Variants in PLG observed in about 807,000 individuals in gnomAD.
PLG encodes plasminogen, also known as plasmin.
A neutral mutation model predicts 104.4 loss-of-function variants in PLG; 41 were observed. The observed-to-expected ratio is 0.39, with a 90% CI of 0.31 to 0.51. The LOEUF (loss-of-function observed/expected upper bound fraction) is 0.51, where lower values mean the gene tolerates loss of function less well. PLG is among the 20% of genes least tolerant of loss of function. The probability of loss-of-function intolerance (pLI) is 0.76; values close to 1 mark genes in which losing one functional copy is unlikely to be tolerated. For missense variants in PLG, 891 were observed against 1,003.6 expected (o/e 0.89, Z 1.52); for synonymous variants, 337 against 357.1 (o/e 0.94, Z 0.63).
chr6:160,712,949 G>C, intron 4 of PLG, 37 bp from the exon 5 acceptor site: 2 of 1,574,760 alleles, frequency 1.3e-6, no homozygotes, highest in Non-Finnish European at 1.7e-6. Context: ...CTGATTTTTA[G>C]AATATAGTCT....
intron 17 of PLG, among the ~76,000 whole-genome samples, chr6:160,751,149 G>A (rs112225091): frequency 6.6e-6 from 1 of 152,272 alleles, no homozygotes; most frequent in Non-Finnish European, 1.5e-5. Flanking sequence ...AAATAATTTG[G>A]CAACGTTATT....
chr6:160,749,321 TCAC>T (rs756110798), intron 17 of PLG, among the ~76,000 whole-genome samples: 62 of 151,768 alleles, frequency 4.1e-4, no homozygotes, highest in Non-Finnish European at 7.1e-4. Flanking sequence ...ACCAACATCA[TCAC>T]CACCACCACC....
chr6:160,753,376 T>C lies in PLG; in HGVS notation c.*315T>C, dbSNP rs1418359477. The C allele has an allele frequency of 2.4e-6, 1 of 408,636 alleles. No homozygotes were observed. Among genetic ancestry groups the C allele is most frequent in the Non-Finnish European group, 4.6e-6 (1 of 216,924 alleles). 25.3% of individuals were successfully genotyped at this position (408,636 alleles called of 1,614,324 possible). ...AAATGGGCAGATGGGGGGATTTAGC[T>C]GCTTTTGATAAGGAACAGCTGCACA... On this transcript the variant is annotated 3_prime_UTR_variant, in exon 19 of 19. Coordinates refer to ENST00000308192, the MANE Select transcript of PLG (RefSeq NM_000301.5). This position sits in a 1 kb window ranked among gnomAD's most constrained non-coding sequence, Gnocchi z 5.4.
chr6:160,731,704 C>T lies in PLG; in HGVS notation c.1439-41C>T, dbSNP rs1434853514. 6.3e-7 allele frequency: 1 copy of T among 1,596,538 alleles called. No homozygotes were observed. The highest frequency in any genetic ancestry group is 1.3e-5 in the African/African-American group (1 of 74,688). ...GTATTGATTCCATATCATCCTGGGT[C>T]TCTGTGGCTCTTCATAATCATCCAT... On this transcript the variant is annotated intron_variant, in intron 11 of 18. Transcript: ENST00000308192. The surrounding 1 kb of genome is among the most constrained non-coding windows in gnomAD (Gnocchi z 5.1).
Position 160,711,168 on chromosome 6 carries a change from T to C in PLG, c.384T>C (p.Ser128=), listed in dbSNP as rs1777634152. 2 of 1,612,936 alleles carry C rather than the reference T, an allele frequency of 1.2e-6. No homozygotes were observed. Among genetic ancestry groups the C allele is most frequent in the Non-Finnish European group, 1.7e-6 (2 of 1,179,090 alleles). Residue 128 remains serine, a synonymous_variant, in exon 4 of 19, where the codon AGT becomes AGC. Transcript: ENST00000308192. ...ATGGCATCACCTGTCAAAAATGGAG[T>C]TCCACTTCTCCCCACAGACCTAGGT... ...TKNGITCQKW[S]STSPHRPRFS...
Position 160,734,081 on chromosome 6 carries a change from T to G in PLG, c.1674T>G (p.Pro558=). ...PRKLYDYCDV[P]QCAAPSFDCG... is the part of the protein sequence containing the mutation. ...AACTTTACGACTACTGTGATGTCCC[T>G]CAGTGTGGTAGGTTGCCTTCTTTTT... Residue 558 remains proline (P), a synonymous_variant, in exon 13 of 19, where the codon CCT becomes CCG. Transcript: ENST00000308192. This position sits in a 1 kb window ranked among gnomAD's most constrained non-coding sequence, Gnocchi z 4.4. The G allele has an allele frequency of 6.3e-7, 1 of 1,586,812 alleles. No homozygotes were observed. Among genetic ancestry groups the G allele is most frequent in the Non-Finnish European group, 8.7e-7 (1 of 1,155,488 alleles).
At chr6:160,721,720 A>G (rs2115166424) in intron 9 of PLG, among the ~76,000 whole-genome samples, 1 of 152,324 alleles carries the variant, frequency 6.6e-6, no homozygotes, top group Non-Finnish European at 1.5e-5. Flanking sequence ...CTCTTAGGCC[A>G]GTTGAGCACA....
intron 7 of PLG, among the ~76,000 whole-genome samples, 163 bp downstream of exon 7, chr6:160,716,926 G>C (rs908195861): frequency 6.6e-6 from 1 of 152,196 alleles, no homozygotes; most frequent in Non-Finnish European, 1.5e-5. Flanking sequence ...AACAGTTATG[G>C]TTATTGGTTA....
rs1425623308 is a variant in PLG, at chr6:160,735,235, T to A, written c.1681+1147T>A. 6.6e-6 allele frequency among the ~76,000 whole-genome samples: 1 copy of A among 152,166 alleles called. No homozygotes were observed. Among genetic ancestry groups the A allele is most frequent in the Non-Finnish European group, 1.5e-5 (1 of 68,026 alleles). ...TTCCAGTTCTCCACTTCTGGCCCCA[T>A]CTGGTACACACCACTGCCTCTCACT... On this transcript the variant is annotated intron_variant, in intron 13 of 18. Coordinates refer to ENST00000308192, the MANE Select transcript of PLG (RefSeq NM_000301.5). This position sits in a 1 kb window ranked among gnomAD's most constrained non-coding sequence, Gnocchi z 5.4.
intron 1 of PLG, among the ~76,000 whole-genome samples, chr6:160,704,241 A>G (rs1288042870): frequency 6.6e-6 from 1 of 152,208 alleles, no homozygotes; most frequent in Admixed American, 6.5e-5. Context: ...AAAATGGGGG[A>G]AAATTATTTC....
chr6:160,730,749 G>T, intron 10 of PLG: 1 of 313,284 alleles, frequency 3.2e-6, no homozygotes, highest in Non-Finnish European at 6.1e-6. Context: ...AAATGTATTT[G>T]GCAGAAGGTG....
chr6:160,748,366 A>AAGAAAGAAAGAGAGAGAGAG (rs1404070341), intron 17 of PLG, among the ~76,000 whole-genome samples: 5 of 38,134 alleles, frequency 1.3e-4, no homozygotes, highest in Admixed American at 3.9e-4. Flanking sequence ...GAAAGAAAGA[A>AAGAAAGAAAGAGAGAGAGAG]AGAAAGAAAG....
At chr6:160,720,171 A>G (rs1777804497) in intron 9 of PLG, among the ~76,000 whole-genome samples, 1 of 152,086 alleles carries the variant, frequency 6.6e-6, no homozygotes, top group African/African-American at 2.4e-5. Flanking sequence ...CACTTTAATG[A>G]TGATGTTCCA....
Position 160,741,606 on chromosome 6 carries a change from CTG to C in PLG, c.2125+193_2125+194del, listed in dbSNP as rs779863326. On this transcript the variant is annotated intron_variant, in intron 17 of 18. Coordinates refer to ENST00000308192, the MANE Select transcript of PLG (RefSeq NM_000301.5). The surrounding 1 kb of genome is among the most constrained non-coding windows in gnomAD (Gnocchi z 4.7). ...AGGCACATGATCAAAGGGAGGAAAA[CTG>C]TGTCTTTGAGTCTCTCTCTCTCTCT... 6.6e-6 allele frequency among the ~76,000 whole-genome samples: 1 copy of C among 152,142 alleles called. No homozygotes were observed.
intron 6 of PLG, among the ~76,000 whole-genome samples, chr6:160,716,309 G>C (rs925837052): frequency 6.6e-6 from 1 of 152,188 alleles, no homozygotes; most frequent in Non-Finnish European, 1.5e-5. Flanking sequence ...GAAAAACAGT[G>C]CTTGGCAGCC....
chr6:160,706,233 C>T, intron 1 of PLG, 174 bp from the exon 2 acceptor site: 1 of 797,504 alleles, frequency 1.3e-6, no homozygotes, highest in Non-Finnish European at 2.1e-6. Flanking sequence ...GTCCAAATGC[C>T]CGACTGTGTG....
At position 160,733,923 on chromosome 6, in the gene PLG, C is replaced by T. The variant is rs1317026; in HGVS notation, c.1588-72C>T. 0.058 allele frequency: 44,558 copies of T among 769,686 alleles called. 4,769 individuals are homozygous for T. Among genetic ancestry groups the T allele is most frequent in the African/African-American group, 0.37 (21,407 of 57,958 alleles). 47.7% of individuals were successfully genotyped at this position (769,686 alleles called of 1,614,324 possible). A position where few individuals can be genotyped will look rare whatever the true frequency, so the allele number is the denominator to read the frequency against. ...GTCTTCTAAGGATAGACATGAAATG[C>T]GTGAGCCTTGGAACACCTTCTCCCT... On this transcript the variant is annotated intron_variant, in intron 12 of 18. Transcript: ENST00000308192.
chr6:160,722,096 C>G (rs1777840181), intron 9 of PLG, among the ~76,000 whole-genome samples: 1 of 152,190 alleles, frequency 6.6e-6, no homozygotes, highest in Non-Finnish European at 1.5e-5. Flanking sequence ...AATGCATCCT[C>G]CTCTCATCTG....
In PLG at chr6:160,749,741, C is replaced by T. The variant is rs574952001; in HGVS notation, c.2126-2374C>T. Among the ~76,000 whole-genome samples the T allele has an allele frequency of 2.6e-5, 4 of 151,608 alleles. No homozygotes were observed. In the South Asian group the frequency reaches 6.3e-4, roughly 24 times the overall value. ...CCACCACCATTAGCATTATCATTAC[C>T]ACCACCAGTACCATCACCATCACCA... On this transcript the variant is annotated intron_variant, in intron 17 of 18. Coordinates refer to ENST00000308192, the MANE Select transcript of PLG (RefSeq NM_000301.5).
Sources: gnomAD v4.1 joint callset for allele counts (sites outside exome capture counted in the v4.1 genomes callset) on GRCh38, gnomAD v4.1.1 for gene constraint, Gnocchi (gnomAD v3.1) non-coding constraint, MANE v1.5 for transcripts, NCBI Gene and HGNC (gene_info 2026-07-23, HGNC 2026-07-21) for gene names.